Variants in NEBL observed in about 807,000 individuals in gnomAD.
The protein encoded by NEBL is nebulette, also known as LIM and SH3 protein 2.
NEBL carries 122 observed loss-of-function variants against 140.2 expected under a neutral mutation model. The observed-to-expected ratio is 0.87, with a 90% CI of 0.75 to 1.01. NEBL has a LOEUF of 1.01. Among genes scored for constraint, NEBL ranks in the 50% least tolerant of loss-of-function variants. The probability of loss-of-function intolerance (pLI) is 0.00; values close to 1 mark genes in which losing one functional copy is unlikely to be tolerated. For synonymous variants in NEBL, 436 were observed against 398.9 expected (o/e 1.09, Z -1.11); for missense variants, 1,365 against 1,231.3 (o/e 1.11, Z -1.62).
intron 2 of NEBL, among the ~76,000 whole-genome samples, chr10:21,169,061 A>T (rs1483923768): frequency 2.0e-3 from 83 of 41,670 alleles, no homozygotes; most frequent in South Asian, 7.2e-3. Context: ...AAAAAAAAAA[A>T]AAAAAAATAT....
intron 4 of NEBL, among the ~76,000 whole-genome samples, chr10:20,942,541 T>C (rs2131573190): frequency 6.6e-6 from 1 of 152,338 alleles, no homozygotes; most frequent in African/African-American, 2.4e-5. Flanking sequence ...AAGGACTTCA[T>C]GTCTAAAACA....
At chr10:21,247,795 C>G (rs1269285028) in intron 3 of NEBL, 3 of 159,224 alleles carry the variant, frequency 1.9e-5, no homozygotes, top group Non-Finnish European at 2.9e-5. Context: ...AAAGTGCTGA[C>G]AAATCATCCC....
intron 4 of NEBL, among the ~76,000 whole-genome samples, chr10:20,953,244 G>C (rs1157036487): frequency 6.6e-6 from 1 of 152,134 alleles, no homozygotes; most frequent in Non-Finnish European, 1.5e-5. Context: ...AATTGGGTCT[G>C]TGTCCTTCTA....
At chr10:21,024,509 C>CAAA (rs35574671) in intron 2 of NEBL, among the ~76,000 whole-genome samples, 43 of 116,590 alleles carry the variant, frequency 3.7e-4, no homozygotes, top group African/African-American at 1.1e-3. Context: ...TAAGATCTTC[C>CAAA]AAAAAAAAAA....
intron 2 of NEBL, among the ~76,000 whole-genome samples, chr10:21,061,281 GTGATATGTAACATA>G (rs1835270684): frequency 1.6e-4 from 23 of 147,808 alleles, no homozygotes; most frequent in Middle Eastern, 3.7e-3. Flanking sequence ...TACATATTAT[GTGATATGTAACATA>G]TTACATATTA....
intron 2 of NEBL, among the ~76,000 whole-genome samples, chr10:21,103,135 A>G (rs1289819252): frequency 1.3e-5 from 2 of 152,038 alleles, no homozygotes; most frequent in Non-Finnish European, 2.9e-5. Flanking sequence ...ATTTTATAAA[A>G]TATTTGTACT....
intron 2 of NEBL, among the ~76,000 whole-genome samples, chr10:21,080,441 A>T (rs1254848946): frequency 2.6e-5 from 4 of 152,244 alleles, no homozygotes. Flanking sequence ...TCTGGCATAT[A>T]AGCTGGAGAA....
chr10:21,027,931 T>C (rs1833583001), intron 2 of NEBL, among the ~76,000 whole-genome samples: 1 of 151,994 alleles, frequency 6.6e-6, no homozygotes, highest in Non-Finnish European at 1.5e-5. Flanking sequence ...CTTTAAAGAA[T>C]GAGAAATAGG....
chr10:20,814,255 T>C (rs951813649), intron 22 of NEBL, among the ~76,000 whole-genome samples: 4 of 152,004 alleles, frequency 2.6e-5, no homozygotes, highest in African/African-American at 4.8e-5. Flanking sequence ...CCTAAATCTA[T>C]CAACTCTAAA....
intron 3 of NEBL, among the ~76,000 whole-genome samples, chr10:21,192,483 CGCCCG>C (rs1170116026): frequency 6.6e-6 from 1 of 151,226 alleles, no homozygotes; most frequent in Non-Finnish European, 1.5e-5. Context: ...TGAGCCACCG[CGCCCG>C]GCCAATAGAC....
intron 3 of NEBL, among the ~76,000 whole-genome samples, chr10:20,973,128 G>A (rs1836651421): frequency 6.6e-6 from 1 of 152,136 alleles, no homozygotes; most frequent in Non-Finnish European, 1.5e-5. Context: ...TCCCTGCTAT[G>A]TAACAGCAGG....
intron 3 of NEBL, among the ~76,000 whole-genome samples, chr10:21,005,626 C>T (rs140699108): frequency 0.013 from 1,991 of 152,114 alleles, 53 homozygotes; most frequent in African/African-American, 0.046. Flanking sequence ...CCCCGCTACT[C>T]GGGAGGCTCA....
At chr10:20,934,940 T>C (rs1484349162) in intron 4 of NEBL, among the ~76,000 whole-genome samples, 1 of 152,180 alleles carries the variant, frequency 6.6e-6, no homozygotes, top group Admixed American at 6.5e-5. Context: ...TCAAGAGTTG[T>C]GATTGGAAAT....
chr10:20,874,309 T>C (rs1845268923), intron 5 of NEBL, among the ~76,000 whole-genome samples: 1 of 152,218 alleles, frequency 6.6e-6, no homozygotes, highest in African/African-American at 2.4e-5. Context: ...CCTGCCTTCA[T>C]GTTGACTTAG....
At chr10:21,273,407 G>A (rs139318500) in intron 1 of NEBL, among the ~76,000 whole-genome samples, 62 of 152,220 alleles carry the variant, frequency 4.1e-4, no homozygotes, top group African/African-American at 1.4e-3. Flanking sequence ...TGGAGGGAGC[G>A]GGACAGAGGG....
At chr10:20,962,026 A>G (rs1010089103) in intron 3 of NEBL, among the ~76,000 whole-genome samples, 1 of 152,188 alleles carries the variant, frequency 6.6e-6, no homozygotes, top group Non-Finnish European at 1.5e-5. Flanking sequence ...TCATCTGTAC[A>G]GCGGCAATAA....
At chr10:20,872,371 A>T (rs915643802) in intron 5 of NEBL, among the ~76,000 whole-genome samples, 1 of 152,154 alleles carries the variant, frequency 6.6e-6, no homozygotes, top group South Asian at 2.1e-4. Context: ...ATCTTCCAGA[A>T]TATCACTCCT....
chr10:20,844,945 T>A (rs532192423), intron 12 of NEBL, among the ~76,000 whole-genome samples: 16 of 152,196 alleles, frequency 1.1e-4, no homozygotes, highest in Non-Finnish European at 7.4e-5. Context: ...AACATTTTTT[T>A]AAAAACTGCT....
At chr10:21,100,105 CA>C (rs1332640332) in intron 2 of NEBL, among the ~76,000 whole-genome samples, 1 of 152,186 alleles carries the variant, frequency 6.6e-6, no homozygotes, top group African/African-American at 2.4e-5. Flanking sequence ...CCCACTCAGT[CA>C]AAAACTTCCA....
Sources: allele counts gnomAD v4.1 joint callset (sites outside exome capture counted in the v4.1 genomes callset), GRCh38; gene constraint gnomAD v4.1.1; transcripts MANE v1.5; gene names NCBI Gene and HGNC (gene_info 2026-07-23, HGNC 2026-07-21).